The following CFAP20DC variants were observed in gnomAD, a reference collection of about 807,000 sequenced individuals.
CFAP20DC encodes the protein CFAP20 domain containing, also known as protein CFAP20DC.
CFAP20DC carries 84 observed loss-of-function variants against 101.7 expected under a neutral mutation model. The ratio of observed to expected loss-of-function variants is 0.83; its 90% CI spans 0.69 to 0.99. The LOEUF (loss-of-function observed/expected upper bound fraction) is 0.99. Ranked by LOEUF, CFAP20DC falls within the 50% of genes least tolerant of loss-of-function variation. The pLI, the probability that CFAP20DC is intolerant of heterozygous loss-of-function variation, is 0.00. For synonymous variants in CFAP20DC, 359 were observed against 351.2 expected, an observed-to-expected ratio of 1.02 and a Z score of -0.25; for missense variants, 1,007 against 970.3, an observed-to-expected ratio of 1.04 and a Z score of -0.50.
At chr3:59,003,875 T>C (rs1482630726) in intron 4 of CFAP20DC, among the ~76,000 whole-genome samples, 2 of 152,218 alleles carry the variant, frequency 1.3e-5, no homozygotes, top group Non-Finnish European at 2.9e-5. Context: ...CACCAATTAC[T>C]AAGGGCTCTT....
intron 4 of CFAP20DC, among the ~76,000 whole-genome samples, chr3:59,019,539 C>T (rs2093760124): frequency 6.6e-6 from 1 of 151,800 alleles, no homozygotes; most frequent in Admixed American, 6.6e-5. Context: ...GACAGAGCTC[C>T]TATCGTTGGC....
chr3:58,814,679 G>C (rs1289629976), intron 14 of CFAP20DC, among the ~76,000 whole-genome samples: 1 of 150,828 alleles, frequency 6.6e-6, no homozygotes, highest in East Asian at 1.9e-4. Flanking sequence ...CAAAATCAAT[G>C]TACAAAAATC....
At chr3:58,801,848 C>A (rs1293941032) in intron 15 of CFAP20DC, among the ~76,000 whole-genome samples, 1 of 152,218 alleles carries the variant, frequency 6.6e-6, no homozygotes, top group Non-Finnish European at 1.5e-5. Flanking sequence ...CAGGCCCTAA[C>A]ACAATCTGCA....
intron 4 of CFAP20DC, among the ~76,000 whole-genome samples, chr3:58,944,519 T>C (rs2089077691): frequency 6.6e-6 from 1 of 152,168 alleles, no homozygotes; most frequent in Non-Finnish European, 1.5e-5. Context: ...CGACTACTAT[T>C]CCAGGCTGAA....
rs560489095 is a variant in CFAP20DC at position 58,864,107 on chromosome 3, C to A, written c.1259-215G>T. ...CTGAGTAGGTGGGATTACAGGTGCACGCCATCATGCCCGGCTAATTTTTGT... is the reference window on the plus strand; with the variant it reads ...CTGAGTAGGTGGGATTACAGGTGCAAGCCATCATGCCCGGCTAATTTTTGT... On this transcript the variant is annotated intron_variant, in intron 11 of 16. Transcript: ENST00000482387. This position sits in a 1 kb window ranked among gnomAD's most constrained non-coding sequence, Gnocchi z 4.7. Among the ~76,000 whole-genome samples the A allele has an allele frequency of 7.2e-5, 11 of 152,006 alleles. No homozygotes were observed. Among genetic ancestry groups the A allele is most frequent in the Non-Finnish European group, 1.5e-5 (1 of 67,994 alleles).
chr3:58,950,210 C>A (rs1305736595), intron 4 of CFAP20DC, among the ~76,000 whole-genome samples: 3 of 150,854 alleles, frequency 2.0e-5, no homozygotes, highest in South Asian at 2.1e-4. Context: ...ATCCAACTTA[C>A]AAGGACCTCT....
chr3:58,999,203 A>G (rs2093231571), intron 4 of CFAP20DC, among the ~76,000 whole-genome samples: 1 of 152,224 alleles, frequency 6.6e-6, no homozygotes, highest in South Asian at 2.1e-4. Context: ...GGAGACTTGA[A>G]CAAGGTCAGT....
rs577947291 is a variant in CFAP20DC, at chr3:58,971,551, A to T, written c.279-33789T>A. Among the ~76,000 whole-genome samples, 16 of 152,214 alleles carry T rather than the reference A, an allele frequency of 1.1e-4. 1 individual carries two copies. In the South Asian group the frequency reaches 3.1e-3, roughly 30 times the overall value. On this transcript the variant is annotated intron_variant, in intron 4 of 16. Transcript: ENST00000482387. This position sits in a 1 kb window ranked among gnomAD's most constrained non-coding sequence, Gnocchi z 4.1. Reference sequence around the variant, plus strand: ...TCATTTTTACACGAAAATCTCACACATATTTAAATAGAGGACATTTCACAG... The same window carrying T: ...TCATTTTTACACGAAAATCTCACACTTATTTAAATAGAGGACATTTCACAG...
chr3:58,870,166 C>A lies in CFAP20DC; in HGVS notation c.852+7G>T, dbSNP rs373535464. 2.5e-6 allele frequency: 4 copies of A among 1,608,894 alleles called. No homozygotes were observed. The highest frequency in any genetic ancestry group is 3.4e-6 in the Non-Finnish European group (4 of 1,177,360). On this transcript the variant is annotated splice_region_variant and intron_variant, in intron 8 of 16. Coordinates refer to ENST00000482387, the MANE Select transcript of CFAP20DC (RefSeq NM_001394063.1). ...GCTTAGATAAGCTCTCCAAACCTTG[C>A]TCCTACCTCGCTGGATATCTTCATG...
intron 4 of CFAP20DC, among the ~76,000 whole-genome samples, chr3:59,037,738 A>G (rs140359266): frequency 6.6e-6 from 1 of 152,320 alleles, no homozygotes; most frequent in Non-Finnish European, 1.5e-5. Flanking sequence ...AGAATCTAGA[A>G]CCAGAAATAC....
intron 15 of CFAP20DC, among the ~76,000 whole-genome samples, chr3:58,804,935 G>C (rs183871640): frequency 1.0e-3 from 159 of 152,264 alleles, no homozygotes; most frequent in Middle Eastern, 6.8e-3. Context: ...CAAATAACCA[G>C]AGCAGGTGTA....
In CFAP20DC at chr3:58,884,638, C is replaced by A; in HGVS notation, c.622G>T (p.Asp208Tyr). ...IIPRSCQLMT[D>Y]VPHVTQLLNM... Reference sequence around the variant, plus strand: ...AGCAGCTGTGTGACATGTGGAACATCTGTCATTAGTTGACAGCTTCGTGGT... The same window carrying A: ...AGCAGCTGTGTGACATGTGGAACATATGTCATTAGTTGACAGCTTCGTGGT... The change falls in exon 7 of 17, where the codon GAT becomes TAT. Residue 208 changes from aspartate (D) to tyrosine (Y), a missense_variant. By Grantham distance (160) the Asp-to-Tyr change is radical. Transcript: ENST00000482387. The A allele has an allele frequency of 6.2e-7, 1 of 1,613,738 alleles. No individual in the cohort carries two copies.
intron 15 of CFAP20DC, among the ~76,000 whole-genome samples, chr3:58,798,061 T>C (rs2073389372): frequency 6.6e-6 from 1 of 152,198 alleles, no homozygotes; most frequent in Admixed American, 6.5e-5. Flanking sequence ...AGATGAATAT[T>C]GTTTTCATGC....
intron 5 of CFAP20DC, among the ~76,000 whole-genome samples, chr3:58,917,886 T>G (rs2084907854): frequency 6.6e-6 from 1 of 152,160 alleles, no homozygotes; most frequent in Non-Finnish European, 1.5e-5. Context: ...CTGCCAGAGC[T>G]GCCAGACCTT....
In CFAP20DC at chr3:58,788,927, A is replaced by G. The variant is rs2072614998; in HGVS notation, c.2237+17468T>C. Among the ~76,000 whole-genome samples, 1 of 152,124 alleles carries G rather than the reference A, an allele frequency of 6.6e-6. No individual in the cohort carries two copies. The highest frequency in any genetic ancestry group is 2.4e-5 in the African/African-American group (1 of 41,436). ...CTCAAGTTGGCCATGCAGAACCCAC[A>G]TATATGAAAAATGGGTTGGAAAAAA... On this transcript the variant is annotated intron_variant, in intron 15 of 16. Transcript: ENST00000482387. This position sits in a 1 kb window ranked among gnomAD's most constrained non-coding sequence, Gnocchi z 4.2.
At chr3:58,776,325 T>A (rs2071338623) in intron 15 of CFAP20DC, among the ~76,000 whole-genome samples, 1 of 152,150 alleles carries the variant, frequency 6.6e-6, no homozygotes, top group Non-Finnish European at 1.5e-5. Context: ...GTCCTCTATT[T>A]GCCTAAAAGT....
At chr3:58,739,706 T>C (rs1056648359), downstream of CFAP20DC, among the ~76,000 whole-genome samples, 3 of 152,198 alleles carry the variant, frequency 2.0e-5, no homozygotes, top group African/African-American at 7.2e-5. Flanking sequence ...AACCTGGGCA[T>C]CGGTATTTTT....
chr3:59,049,853 G>C lies in CFAP20DC; in HGVS notation c.-222C>G. ...CAGCACCATTGCGGCTCCAGCCTCC[G>C]CGGTGCCCGGGTCTGGGGAGGGCGC... is the stretch of plus-strand genomic sequence containing the variant. On this transcript the variant is annotated 5_prime_UTR_variant, in exon 1 of 17. Transcript: ENST00000482387. 9.9e-6 allele frequency: 6 copies of C among 605,316 alleles called. No individual in the cohort carries two copies. Among genetic ancestry groups the C allele is most frequent in the Middle Eastern group, 4.5e-4 (1 of 2,238 alleles). 37.5% of individuals were successfully genotyped at this position (605,316 alleles called of 1,614,324 possible).
At chr3:59,030,809 T>TTTTTTGTTTTTG (rs531223275) in intron 4 of CFAP20DC, among the ~76,000 whole-genome samples, 17 of 152,132 alleles carry the variant, frequency 1.1e-4, no homozygotes, top group African/African-American at 3.9e-4. Context: ...CTTTAAGTTT[T>TTTTTTGTTTTTG]TTTTTGTTTT....
Sources: allele counts gnomAD v4.1 joint callset (sites outside exome capture counted in the v4.1 genomes callset), GRCh38; gene constraint gnomAD v4.1.1; non-coding constraint Gnocchi (gnomAD v3.1); transcripts MANE v1.5; gene names NCBI Gene and HGNC (gene_info 2026-07-23, HGNC 2026-07-21).